Variants in KIF5A observed in about 807,000 individuals in gnomAD.
KIF5A encodes kinesin family member 5A.
A neutral mutation model predicts 141.3 loss-of-function variants in KIF5A; 35 were observed. The ratio of observed to expected loss-of-function variants is 0.25; its 90% CI spans 0.19 to 0.33. The LOEUF (loss-of-function observed/expected upper bound fraction) is 0.33. KIF5A is among the 10% of genes least tolerant of loss of function. The pLI is 1.00. For synonymous variants in KIF5A, 448 were observed against 500.2 expected (o/e 0.90, Z 1.39); for missense variants, 861 against 1,314.3 (o/e 0.66, Z 5.33).
intron 1 of KIF5A, among the ~76,000 whole-genome samples, chr12:57,558,414 G>A (rs1344399420): frequency 6.6e-6 from 1 of 151,970 alleles, no homozygotes; most frequent in Admixed American, 6.6e-5. Context: ...GGTGGCTTAC[G>A]CCTGTAATCT....
chr12:57,574,084 A>G (rs1224515611), intron 15 of KIF5A, among the ~76,000 whole-genome samples: 7 of 150,188 alleles, frequency 4.7e-5, no homozygotes, highest in Non-Finnish European at 7.4e-5. Flanking sequence ...TCTGTCTCAA[A>G]AAAAAAAAAA....
At position 57,581,191 on chromosome 12, in the gene KIF5A, G is replaced by A. The variant is rs1882586036; in HGVS notation, c.2755+19G>A. 2.5e-6 allele frequency: 4 copies of A among 1,609,632 alleles called. No homozygotes were observed. The highest frequency in any genetic ancestry group is 1.1e-5 in the South Asian group (1 of 90,666). On this transcript the variant is annotated intron_variant, in intron 24 of 28. Transcript: ENST00000455537. ...CAGATTGGTGAGTAGGTGTTAGCAG[G>A]CAAGGTGGGAGTATCTCCTGAAGCA...
intron 8 of KIF5A, 118 bp downstream of exon 8, chr12:57,567,736 C>T (rs1882112485): frequency 1.9e-6 from 2 of 1,055,774 alleles, no homozygotes; most frequent in African/African-American, 1.6e-5. Context: ...TCTCTGTTCA[C>T]TGCAACCTCC....
intron 3 of KIF5A, among the ~76,000 whole-genome samples, chr12:57,563,895 C>T (rs913300656): frequency 6.6e-6 from 1 of 152,218 alleles, no homozygotes; most frequent in Admixed American, 6.5e-5. Flanking sequence ...CTTTCCACTA[C>T]TCCAGTCTTC....
Position 57,567,573 on chromosome 12 carries a change from G to A in KIF5A, c.669G>A (p.Lys223=). Residue 223 remains lysine (K), a synonymous_variant, in exon 8 of 29, where the codon AAG becomes AAA. Coordinates refer to ENST00000455537, the MANE Select transcript of KIF5A (RefSeq NM_004984.4). ...IKQENMETEQ[K]LSGKLYLVDL... is the part of the protein sequence containing the mutation. ...AGGAGAACATGGAAACGGAGCAGAA[G>A]CTCAGTGGGAAGCTGTATCTGGTGG... 1.9e-6 allele frequency: 3 copies of A among 1,613,412 alleles called. No homozygotes were observed. The highest frequency in any genetic ancestry group is 1.7e-6 in the Non-Finnish European group (2 of 1,179,742).
intron 15 of KIF5A, among the ~76,000 whole-genome samples, 177 bp from the exon 16 acceptor site, chr12:57,574,907 C>T (rs1303672284): frequency 2.0e-5 from 3 of 151,964 alleles, no homozygotes; most frequent in Non-Finnish European, 2.9e-5. Flanking sequence ...TAAATGCAGG[C>T]GGAGGAATTT....
intron 5 of KIF5A, among the ~76,000 whole-genome samples, 186 bp from the exon 6 acceptor site, chr12:57,564,732 G>T (rs958936531): frequency 2.0e-5 from 3 of 152,216 alleles, no homozygotes; most frequent in African/African-American, 4.8e-5. Flanking sequence ...CTGGGGCCGA[G>T]GAGCAGGAGC....
chr12:57,566,800 G>GGGA (rs1190207499), intron 6 of KIF5A, among the ~76,000 whole-genome samples: 1 of 151,908 alleles, frequency 6.6e-6, no homozygotes, highest in Non-Finnish European at 1.5e-5. Context: ...CCAGCACTTT[G>GGGA]GGAGGCCAAG....
At chr12:57,571,515 A>T in intron 13 of KIF5A, 126 bp downstream of exon 13, 1 of 876,958 alleles carries the variant, frequency 1.1e-6, no homozygotes, top group Non-Finnish European at 1.9e-6. Flanking sequence ...TCACTCCCCT[A>T]AACAGCAGAA....
Position 57,572,667 on chromosome 12 carries a change from G to T in KIF5A, c.1657G>T (p.Gly553Trp). The T allele has an allele frequency of 6.2e-7, 1 of 1,614,262 alleles. No individual in the cohort carries two copies. Among genetic ancestry groups the T allele is most frequent in the Non-Finnish European group, 8.5e-7 (1 of 1,180,046 alleles). Reference sequence around the variant, plus strand: ...AAAACGAATTGCTGAGGTGCTGAACGGGCTGATGAAGGATCTGAGCGAGTT... The same window carrying T: ...AAAACGAATTGCTGAGGTGCTGAACTGGCTGATGAAGGATCTGAGCGAGTT... ...QRKRIAEVLN[G>W]LMKDLSEFSV... Residue 553 changes from glycine to tryptophan, a missense_variant, in exon 15 of 29, where the codon GGG (glycine) becomes TGG (tryptophan). Physicochemically the swap from Gly to Trp is radical, Grantham distance 184. Around this residue, in one of 5 missense-constraint regions of KIF5A, gnomAD observed 482 missense variants for 661.3 expected, o/e 0.73. Coordinates refer to ENST00000455537, the MANE Select transcript of KIF5A (RefSeq NM_004984.4). The surrounding 1 kb of genome is among the most constrained non-coding windows in gnomAD (Gnocchi z 4.2).
At position 57,575,659 on chromosome 12, in the gene KIF5A, C is replaced by G; in HGVS notation, c.1925C>G (p.Ser642Trp). ...LISQHEAKIRSLTEYMQSVEL... is the reference protein window; with the variant it reads ...LISQHEAKIRWLTEYMQSVEL... ...CACCAGCATGAGGCCAAGATCCGCT[C>G]GCTTACGGAATACATGCAGAGCGTG... Residue 642 changes from serine to tryptophan, a missense_variant, in exon 17 of 29, where the codon TCG becomes TGG. This residue lies in a region of KIF5A where 482 missense variants were observed against 661.3 expected (regional missense o/e 0.73). Coordinates refer to ENST00000455537, the MANE Select transcript of KIF5A (RefSeq NM_004984.4). The G allele has an allele frequency of 6.2e-7, 1 of 1,614,138 alleles. No homozygotes were observed. The highest frequency in any genetic ancestry group is 8.5e-7 in the Non-Finnish European group (1 of 1,180,008).
intron 3 of KIF5A, 29 bp downstream of exon 3, chr12:57,563,722 G>A (rs1381749233): frequency 5.7e-6 from 9 of 1,586,814 alleles, no homozygotes; most frequent in Non-Finnish European, 7.8e-6. Flanking sequence ...GTGGTTGAGG[G>A]GCTAGGAGTG....
At chr12:57,576,886 A>T (rs1882444557) in intron 20 of KIF5A, 24 bp downstream of exon 20, 1 of 1,553,664 alleles carries the variant, frequency 6.4e-7, no homozygotes. Context: ...ATTTACCTGT[A>T]AAACTACAGC....
chr12:57,550,521 C>A lies in KIF5A; in HGVS notation c.129+121C>A. Reference sequence around the variant, plus strand: ...CCCTCCCCGCCGCTCATCCTTCATCCTCTTCCCCGCAGCCCCTCCTCTCCC... The same window carrying A: ...CCCTCCCCGCCGCTCATCCTTCATCATCTTCCCCGCAGCCCCTCCTCTCCC... On this transcript the variant is annotated intron_variant, in intron 1 of 28. Coordinates refer to ENST00000455537, the MANE Select transcript of KIF5A (RefSeq NM_004984.4). This position sits in a 1 kb window ranked among gnomAD's most constrained non-coding sequence, Gnocchi z 4.6. The A allele has an allele frequency of 1.9e-6, 2 of 1,076,242 alleles. No homozygotes were observed. Among genetic ancestry groups the A allele is most frequent in the Non-Finnish European group, 2.7e-6 (2 of 735,148 alleles). The allele number at this position is 1,076,242 out of a possible 1,614,324, so 66.7% of individuals were successfully genotyped here. A position where few individuals can be genotyped will look rare whatever the true frequency, so the allele number is the denominator to read the frequency against.
At chr12:57,554,101 T>C (rs951595667) in intron 1 of KIF5A, among the ~76,000 whole-genome samples, 1 of 150,956 alleles carries the variant, frequency 6.6e-6, no homozygotes, top group African/African-American at 2.4e-5. Flanking sequence ...AGGGGGGATA[T>C]GGAGTAGGGG....
At chr12:57,575,390 C>G (rs947670044) in intron 16 of KIF5A, 118 bp downstream of exon 16, 1 of 1,239,160 alleles carries the variant, frequency 8.1e-7, no homozygotes, top group Non-Finnish European at 1.2e-6. Context: ...CAAGTGAAAT[C>G]AAGGACAGAA....
Position 57,581,087 on chromosome 12 carries a change from G to A in KIF5A, c.2670G>A (p.Lys890=). Residue 890 remains lysine, a synonymous_variant, in exon 24 of 29, where the codon AAG becomes AAA. Transcript: ENST00000455537. ...KEAKEGAMKD[K]RRYQQEVDRI... ...CCAAGGAGGGCGCCATGAAGGACAAGCGCCGGTACCAGCAGGAGGTGGACC... is the reference window on the plus strand; with the variant it reads ...CCAAGGAGGGCGCCATGAAGGACAAACGCCGGTACCAGCAGGAGGTGGACC... 6.8e-6 allele frequency: 11 copies of A among 1,614,172 alleles called. No individual in the cohort carries two copies. The highest frequency in any genetic ancestry group is 2.2e-5 in the East Asian group (1 of 44,876).
chr12:57,575,832 A>C (rs1403906307), intron 17 of KIF5A, 75 bp downstream of exon 17: 2 of 1,098,532 alleles, frequency 1.8e-6, no homozygotes, highest in Non-Finnish European at 2.8e-6. Flanking sequence ...TCACCCCAAT[A>C]ATCACTCACT....
Position 57,581,526 on chromosome 12 carries a change from A to C in KIF5A, c.2867A>C (p.Asn956Thr). Reference sequence around the variant, plus strand: ...AACAGCCTCTTCCAGAACTACCAGAATCTCTACCTGCAGGCCACACCCAGC... The same window carrying C: ...AACAGCCTCTTCCAGAACTACCAGACTCTCTACCTGCAGGCCACACCCAGC... ...YTNSLFQNYQNLYLQATPSST... is the reference protein window; with the variant it reads ...YTNSLFQNYQTLYLQATPSST... Residue 956 changes from asparagine to threonine, a missense_variant, in exon 25 of 29, where the codon AAT (asparagine) becomes ACT (threonine). Transcript: ENST00000455537. 6.2e-7 allele frequency: 1 copy of C among 1,614,016 alleles called. No homozygotes were observed. Among genetic ancestry groups the C allele is most frequent in the Non-Finnish European group, 8.5e-7 (1 of 1,180,004 alleles).
Sources: gnomAD v4.1 joint callset for allele counts (sites outside exome capture counted in the v4.1 genomes callset) on GRCh38, gnomAD v4.1.1 for gene constraint, gnomAD v4.1.1 regional missense constraint, Gnocchi (gnomAD v3.1) non-coding constraint, MANE v1.5 for transcripts, NCBI Gene and HGNC (gene_info 2026-07-23, HGNC 2026-07-21) for gene names.